FYB1: variants seen among roughly 807,000 people sequenced by gnomAD.
FYB1 encodes the protein FYN-binding protein 1.
FYB1 carries 41 observed loss-of-function variants against 94.1 expected under a neutral mutation model. That is an observed-to-expected ratio of 0.44 (90% CI 0.34 to 0.57). The LOEUF (loss-of-function observed/expected upper bound fraction) is 0.57, where lower values mean the gene tolerates loss of function less well. FYB1 is among the 20% of genes least tolerant of loss of function. FYB1 has a pLI of 0.02. For synonymous variants in FYB1, 367 were observed against 353.2 expected (o/e 1.04, Z -0.44); for missense variants, 1,050 against 976.8 (o/e 1.07, Z -1.00).
intron 2 of FYB1, among the ~76,000 whole-genome samples, chr5:39,186,630 A>C (rs1746829754): frequency 7.1e-6 from 1 of 141,830 alleles, no homozygotes; most frequent in African/African-American, 2.7e-5. Flanking sequence ...ACCTGCAACA[A>C]TTGGATGCTT....
intron 1 of FYB1, among the ~76,000 whole-genome samples, chr5:39,225,080 CT>C (rs1750415113): frequency 6.6e-6 from 1 of 152,202 alleles, no homozygotes; most frequent in South Asian, 2.1e-4. Context: ...TGCTTCCCCA[CT>C]TCGCATCCTT....
At chr5:39,235,847 T>G (rs1369705968) in intron 1 of FYB1, among the ~76,000 whole-genome samples, 2 of 152,042 alleles carry the variant, frequency 1.3e-5, no homozygotes, top group African/African-American at 4.8e-5. Flanking sequence ...TCTAGAACAG[T>G]GTTGTGCAAT....
At position 39,245,395 on chromosome 5, in the gene FYB1, G is replaced by A. The variant is rs545419858; in HGVS notation, c.-28+29008C>T. 3.4e-3 allele frequency among the ~76,000 whole-genome samples: 523 copies of A among 152,312 alleles called. 5 individuals carry two copies. The highest frequency in any genetic ancestry group is 0.012 in the African/African-American group (502 of 41,570). On this transcript the variant is annotated intron_variant, in intron 1 of 1. Transcript: ENST00000510188. ...TAACTGATTAGTCTTTCCTGAGACA[G>A]AATGGAGAATAACATAACAATTGGT...
At chr5:39,165,265 C>T (rs775717641) in intron 2 of FYB1, among the ~76,000 whole-genome samples, 11 of 152,198 alleles carry the variant, frequency 7.2e-5, no homozygotes, top group East Asian at 5.8e-4. Context: ...GCAACCAAAA[C>T]GGCATGGCAC....
intron 1 of FYB1, among the ~76,000 whole-genome samples, chr5:39,249,699 G>A (rs909663767): frequency 2.0e-5 from 3 of 152,192 alleles, no homozygotes; most frequent in Non-Finnish European, 1.5e-5. Flanking sequence ...TAAGTTTGGT[G>A]TCAGTGCACT....
intron 1 of FYB1, among the ~76,000 whole-genome samples, chr5:39,254,846 G>A (rs1288499418): frequency 1.3e-5 from 2 of 152,102 alleles, no homozygotes; most frequent in Non-Finnish European, 2.9e-5. Flanking sequence ...AGTGCAAAGT[G>A]GAAGTTTTCA....
At chr5:39,154,221 T>G (rs557356876) in intron 2 of FYB1, among the ~76,000 whole-genome samples, 2 of 152,346 alleles carry the variant, frequency 1.3e-5, no homozygotes, top group Admixed American at 1.3e-4. Context: ...ATTTCTAGGT[T>G]CTATCTGCTA....
intron 1 of FYB1, chr5:39,270,716 G>GAA: frequency 3.3e-6 from 2 of 610,822 alleles, no homozygotes; most frequent in Non-Finnish European, 5.3e-6. Context: ...ATTGATATGT[G>GAA]AGGCTACATT....
intron 1 of FYB1, among the ~76,000 whole-genome samples, chr5:39,267,229 T>C (rs1561319941): frequency 6.6e-6 from 1 of 152,184 alleles, no homozygotes; most frequent in Non-Finnish European, 1.5e-5. Context: ...CTATGCATAC[T>C]TTGGAAACTA....
chr5:39,200,970 G>C lies in FYB1; in HGVS notation c.1135+856C>G, dbSNP rs569890936. On this transcript the variant is annotated intron_variant, in intron 2 of 18. Transcript: ENST00000512982. Reference sequence around the variant, plus strand: ...CAGTCACTCAGTACCACATCCAAGAGAATTGCAGTGATATCTCTGGTAGAA... The same window carrying C: ...CAGTCACTCAGTACCACATCCAAGACAATTGCAGTGATATCTCTGGTAGAA... Among the ~76,000 whole-genome samples the C allele has an allele frequency of 3.3e-5, 5 of 152,240 alleles. No individual in the cohort carries two copies. The East Asian group carries it at 7.7e-4, about 23-fold the overall frequency.
intron 1 of FYB1, among the ~76,000 whole-genome samples, chr5:39,238,227 T>C (rs914230040): frequency 2.6e-5 from 4 of 152,016 alleles, no homozygotes; most frequent in African/African-American, 9.7e-5. Flanking sequence ...TGTATATATA[T>C]GTACATATAT....
intron 6 of FYB1, 131 bp downstream of exon 6, chr5:39,138,526 A>G: frequency 1.9e-6 from 1 of 513,048 alleles, no homozygotes; most frequent in Non-Finnish European, 3.5e-6. Context: ...TTGAAATAAA[A>G]GTTATTATAC....
chr5:39,154,503 C>T lies in FYB1; in HGVS notation c.1136-899G>A, dbSNP rs1330940714. ...ATTTTTTCATGTTTATAACCATTTTCCTTTTTTTTTTTTTTCCTTGTGAGA... is the reference window on the plus strand; with the variant it reads ...ATTTTTTCATGTTTATAACCATTTTTCTTTTTTTTTTTTTTCCTTGTGAGA... On this transcript the variant is annotated intron_variant, in intron 2 of 18. Coordinates refer to ENST00000512982, the MANE Select transcript of FYB1 (RefSeq NM_001465.6). 1.5e-4 allele frequency among the ~76,000 whole-genome samples: 12 copies of T among 78,886 alleles called. No individual in the cohort carries two copies. The South Asian group carries it at 5.0e-3, about 33-fold the overall frequency. 51.8% of individuals were successfully genotyped at this position (78,886 alleles called of 152,430 possible).
intron 1 of FYB1, among the ~76,000 whole-genome samples, chr5:39,257,603 A>C (rs1263283954): frequency 6.6e-6 from 1 of 152,186 alleles, no homozygotes; most frequent in African/African-American, 2.4e-5. Flanking sequence ...GGCACAGAGA[A>C]GGTAAATTGT....
At chr5:39,163,938 A>G (rs1744487974) in intron 2 of FYB1, among the ~76,000 whole-genome samples, 2 of 152,272 alleles carry the variant, frequency 1.3e-5, no homozygotes, top group South Asian at 4.1e-4. Context: ...AAGTTTTAGA[A>G]ACATCCTCAG....
At chr5:39,216,106 C>T (rs564411331) in intron 1 of FYB1, among the ~76,000 whole-genome samples, 1 of 152,082 alleles carries the variant, frequency 6.6e-6, no homozygotes, top group Non-Finnish European at 1.5e-5. Context: ...GAACATGGTT[C>T]TACTGACACC....
intron 2 of FYB1, among the ~76,000 whole-genome samples, chr5:39,157,627 A>G (rs752624955): frequency 2.0e-5 from 3 of 152,080 alleles, no homozygotes; most frequent in Non-Finnish European, 2.9e-5. Context: ...AAAAGTTTAG[A>G]CCTCAGTTGG....
chr5:39,236,411 G>A (rs1455653957), intron 1 of FYB1, among the ~76,000 whole-genome samples: 1 of 152,078 alleles, frequency 6.6e-6, no homozygotes, highest in Non-Finnish European at 1.5e-5. Context: ...GAAAGCAAAT[G>A]CAGAAAATAT....
chr5:39,226,818 C>T (rs1214286779), intron 1 of FYB1, among the ~76,000 whole-genome samples: 1 of 152,194 alleles, frequency 6.6e-6, no homozygotes, highest in Non-Finnish European at 1.5e-5. Context: ...AACTAGCTCC[C>T]TCCTCCAAGT....
Sources: allele counts gnomAD v4.1 joint callset (sites outside exome capture counted in the v4.1 genomes callset), GRCh38; gene constraint gnomAD v4.1.1; transcripts MANE v1.5; gene names NCBI Gene and HGNC (gene_info 2026-07-23, HGNC 2026-07-21).